Variants in NBPF9 observed in about 807,000 individuals in gnomAD.
NBPF9 encodes the protein NBPF member 9.
NBPF9 carries 91 observed loss-of-function variants against 97.8 expected under a neutral mutation model. The ratio of observed to expected loss-of-function variants is 0.93; its 90% confidence interval spans 0.79 to 1.11. NBPF9 has a LOEUF of 1.11. NBPF9 is among the 50% of genes least tolerant of loss of function. The pLI, the probability that NBPF9 is intolerant of heterozygous loss-of-function variation, is 0.00. For missense variants in NBPF9, 992 were observed against 939.5 expected (o/e 1.06, Z -0.73); for synonymous variants, 334 against 359.5 (o/e 0.93, Z 0.80).
intron 1 of NBPF9, 61 bp from the exon 2 acceptor site, chr1:149,102,908 AG>A (rs1327436096): frequency 4.0e-5 from 6 of 151,520 alleles, no homozygotes; most frequent in African/African-American, 1.5e-4. Flanking sequence ...TTTGCAAGTC[AG>A]GGGCGCGAGT....
intron 12 of NBPF9, among the ~76,000 whole-genome samples, chr1:149,075,174 C>T (rs2079751308): frequency 6.6e-6 from 1 of 151,800 alleles, no homozygotes; most frequent in Non-Finnish European, 1.5e-5. Context: ...GTAGACTCCT[C>T]TTGAAGCCCC....
At chr1:149,072,927 T>A in exon 14 of NBPF9, 1 of 1,606,796 alleles carries the variant, frequency 6.2e-7, no homozygotes, top group Non-Finnish European at 8.5e-7. Flanking sequence ...CAGGACTTTA[T>A]ATTGCCTAAG....
chr1:149,079,694 C>A (rs1297152866), intron 8 of NBPF9, among the ~76,000 whole-genome samples: 31 of 151,366 alleles, frequency 2.0e-4, no homozygotes, highest in African/African-American at 3.4e-4. Context: ...GAATGAGAAG[C>A]CGCAGTCAGT....
intron 5 of NBPF9, among the ~76,000 whole-genome samples, chr1:149,084,045 A>C (rs1411583210): frequency 8.0e-5 from 12 of 150,822 alleles, no homozygotes; most frequent in African/African-American, 2.2e-4. Flanking sequence ...TTTGTTTTTA[A>C]AACATTTAGA....
intron 14 of NBPF9, 32 bp downstream of exon 14, chr1:149,072,686 T>C: frequency 6.2e-7 from 1 of 1,610,206 alleles, no homozygotes; most frequent in Non-Finnish European, 8.5e-7. Flanking sequence ...AAGCCTGGGG[T>C]TTTGGGTCAA....
chr1:149,062,667 A>T (rs587599262), intron 21 of NBPF9, among the ~76,000 whole-genome samples, 195 bp downstream of exon 21: 2 of 150,208 alleles, frequency 1.3e-5, no homozygotes, highest in Non-Finnish European at 3.0e-5. Flanking sequence ...GTCAACCTAT[A>T]GTAAGTTAGT....
chr1:149,090,566 C>T, intron 5 of NBPF9, 187 bp downstream of exon 5: 1 of 537,958 alleles, frequency 1.9e-6, no homozygotes, highest in Non-Finnish European at 3.3e-6. Context: ...AAAGAATGCC[C>T]ATAAAATTAT....
At chr1:149,075,406 C>T (rs1487320330) in intron 12 of NBPF9, among the ~76,000 whole-genome samples, 3 of 152,212 alleles carry the variant, frequency 2.0e-5, no homozygotes, top group Non-Finnish European at 4.4e-5. Context: ...CATTCTGTGC[C>T]TGTGTCAGAA....
chr1:149,056,274 G>A, intron 29 of NBPF9, among the ~76,000 whole-genome samples: 1 of 136,682 alleles, frequency 7.3e-6, no homozygotes, highest in African/African-American at 2.7e-5. Flanking sequence ...AAAATTCGAT[G>A]CAGTGGCCAT....
chr1:149,089,265 C>T (rs1348123616), intron 5 of NBPF9, among the ~76,000 whole-genome samples: 1 of 152,076 alleles, frequency 6.6e-6, no homozygotes, highest in Non-Finnish European at 1.5e-5. Context: ...AGGAGAATGC[C>T]TCTGGGTCTT....
chr1:149,063,490 A>C, intron 20 of NBPF9, 143 bp downstream of exon 20: 1 of 638,162 alleles, frequency 1.6e-6, no homozygotes, highest in Non-Finnish European at 2.7e-6. Flanking sequence ...GTGGAACTAG[A>C]GTTTCATTCA....
chr1:149,074,085 A>T (rs1172504306), intron 12 of NBPF9, among the ~76,000 whole-genome samples: 1 of 150,080 alleles, frequency 6.7e-6, no homozygotes, highest in Non-Finnish European at 1.5e-5. Context: ...CCTCAAGGGC[A>T]CATCAAGGAA....
intron 7 of NBPF9, among the ~76,000 whole-genome samples, chr1:149,080,955 C>A (rs2080379898): frequency 6.6e-6 from 1 of 151,550 alleles, no homozygotes; most frequent in Non-Finnish European, 1.5e-5. Context: ...GGATGGAGCC[C>A]AGGAGACAGG....
chr1:149,062,552 C>T lies in NBPF9; in HGVS notation c.2079-287G>A, dbSNP rs1377063356. Among the ~76,000 whole-genome samples the T allele has an allele frequency of 2.1e-5, 3 of 141,484 alleles. No homozygotes were observed. The East Asian group carries it at 6.2e-4, about 29-fold the overall frequency. The allele number at this position is 141,484 out of a possible 152,430, so 92.8% of individuals were successfully genotyped here. A position where few individuals can be genotyped will look rare whatever the true frequency, so the allele number is the denominator to read the frequency against. ...GTCAAAGGACACTCTGAGTTAGTGC[C>T]CTCGGGACACACAGCGAACAGTGAT... On this transcript the variant is annotated intron_variant, in intron 21 of 29. Coordinates refer to ENST00000584027, the Ensembl canonical transcript of NBPF9.
At chr1:149,097,689 T>A (rs1333534706) in intron 4 of NBPF9, among the ~76,000 whole-genome samples, 1 of 151,984 alleles carries the variant, frequency 6.6e-6, no homozygotes. Flanking sequence ...ATGCCTGCAG[T>A]GGTGGGTTCC....
chr1:149,063,428 A>T (rs1258396071), intron 20 of NBPF9, among the ~76,000 whole-genome samples: 1 of 141,980 alleles, frequency 7.0e-6, no homozygotes, highest in Non-Finnish European at 1.5e-5. Flanking sequence ...GCATGGCCTG[A>T]GACTAGGAAG....
intron 25 of NBPF9, 88 bp from the exon 26 acceptor site, chr1:149,059,185 C>T (rs1162045752): frequency 4.7e-6 from 2 of 426,396 alleles, no homozygotes; most frequent in Non-Finnish European, 8.6e-6. Context: ...ACATAAGGAA[C>T]TGTTTAAAAA....
chr1:149,077,471 G>A (rs1303337589), intron 10 of NBPF9, 52 bp from the exon 11 acceptor site: 29 of 1,601,562 alleles, frequency 1.8e-5, no homozygotes, highest in Non-Finnish European at 1.5e-5. Context: ...CAGAGGGATT[G>A]GACCCCAGGG....
exon 30 of NBPF9, chr1:149,054,377 T>C: frequency 7.8e-6 from 1 of 127,994 alleles, no homozygotes; most frequent in Non-Finnish European, 1.7e-5. Flanking sequence ...AGGATATTTA[T>C]ACTCTTGAAA....
Sources: gnomAD v4.1 joint callset for allele counts (sites outside exome capture counted in the v4.1 genomes callset) on GRCh38, gnomAD v4.1.1 for gene constraint, MANE v1.5 for transcripts, NCBI Gene and HGNC (gene_info 2026-07-23, HGNC 2026-07-21) for gene names.